The following SOX6 variants were observed in gnomAD, a reference collection of about 807,000 sequenced individuals.
SOX6 encodes the protein SRY-box transcription factor 6.
A neutral mutation model predicts 97.8 loss-of-function variants in SOX6; 11 were observed. The ratio of observed to expected loss-of-function variants is 0.11; its 90% CI spans 0.07 to 0.19. The LOEUF is 0.19. SOX6 is among the 10% of genes least tolerant of loss of function. The probability of loss-of-function intolerance (pLI) is 1.00; values close to 1 mark genes in which losing one functional copy is unlikely to be tolerated. For missense variants in SOX6, 810 were observed against 1,039.5 expected (o/e 0.78, Z 3.04); for synonymous variants, 360 against 371.4 (o/e 0.97, Z 0.35).
At chr11:16,545,491 A>G (rs947380618) in intron 4 of SOX6, among the ~76,000 whole-genome samples, 13 of 152,206 alleles carry the variant, frequency 8.5e-5, no homozygotes, top group African/African-American at 2.9e-4. Context: ...TGGCGAAGCC[A>G]CAGATAACAT....
Position 16,428,719 on chromosome 11 carries a change from G to A in SOX6, c.-5+47596C>T, listed in dbSNP as rs183032889. On this transcript the variant is annotated intron_variant, in intron 1 of 15. Transcript: ENST00000396356. ...TTGGTACCAGTACCATGCTGTTTTG[G>A]TTACTGTAGCCTTGTAGTATAGTTT... 5.3e-4 allele frequency among the ~76,000 whole-genome samples: 80 copies of A among 152,230 alleles called. No individual in the cohort carries two copies. In the Middle Eastern group the frequency reaches 0.024, roughly 45 times the overall value.
chr11:16,690,619 A>G (rs77337791), intron 3 of SOX6, among the ~76,000 whole-genome samples: 2,420 of 152,310 alleles, frequency 0.016, 62 homozygotes, highest in African/African-American at 0.054. Flanking sequence ...TTTTTTAAAA[A>G]TCTCATTACA....
intron 9 of SOX6, among the ~76,000 whole-genome samples, chr11:16,060,117 T>TG (rs1261375342): frequency 5.3e-5 from 8 of 151,968 alleles, no homozygotes; most frequent in African/African-American, 1.7e-4. Flanking sequence ...TTGGGAAACT[T>TG]GAACTAGTGA....
At chr11:16,440,370 AT>A (rs1347661612) in intron 1 of SOX6, among the ~76,000 whole-genome samples, 1 of 152,222 alleles carries the variant, frequency 6.6e-6, no homozygotes, top group Non-Finnish European at 1.5e-5. Flanking sequence ...ATTATATTAA[AT>A]TTAATTTCTA....
chr11:16,184,896 G>A (rs1851430738), intron 5 of SOX6, among the ~76,000 whole-genome samples: 1 of 100,674 alleles, frequency 9.9e-6, no homozygotes, highest in African/African-American at 4.4e-5. Flanking sequence ...CAGCCAGAGA[G>A]CACTCAGGAC....
intron 3 of SOX6, among the ~76,000 whole-genome samples, chr11:16,687,262 C>T (rs1361317309): frequency 6.6e-6 from 1 of 152,146 alleles, no homozygotes; most frequent in Non-Finnish European, 1.5e-5. Context: ...GGAGATTTTA[C>T]TCATGGCAGA....
intron 3 of SOX6, among the ~76,000 whole-genome samples, chr11:16,638,763 G>A (rs1441243480): frequency 6.6e-6 from 1 of 152,158 alleles, no homozygotes; most frequent in Non-Finnish European, 1.5e-5. Flanking sequence ...TGTTGATGAG[G>A]TTGTTTGTTT....
chr11:16,292,380 T>C (rs542977681), intron 3 of SOX6, among the ~76,000 whole-genome samples: 3 of 152,208 alleles, frequency 2.0e-5, no homozygotes, highest in African/African-American at 4.8e-5. Flanking sequence ...TTGGAAGGCT[T>C]ATCTACAACA....
chr11:16,067,656 CTA>C (rs1292999657), intron 9 of SOX6, among the ~76,000 whole-genome samples: 1 of 151,988 alleles, frequency 6.6e-6, no homozygotes, highest in African/African-American at 2.4e-5. Flanking sequence ...TTAAAAATAA[CTA>C]AAATAGTGTA....
intron 1 of SOX6, among the ~76,000 whole-genome samples, chr11:16,414,645 G>C (rs745434385): frequency 9.9e-5 from 15 of 152,080 alleles, no homozygotes; most frequent in Non-Finnish European, 1.6e-4. Context: ...AAGATAAATT[G>C]TGACAAGAAC....
At chr11:16,535,068 C>G (rs552524817) in intron 4 of SOX6, among the ~76,000 whole-genome samples, 1 of 152,060 alleles carries the variant, frequency 6.6e-6, no homozygotes, top group Non-Finnish European at 1.5e-5. Context: ...GGAATTTGAC[C>G]TGCATATTGA....
chr11:16,578,032 A>G (rs556874623), intron 4 of SOX6, among the ~76,000 whole-genome samples: 1 of 152,250 alleles, frequency 6.6e-6, no homozygotes, highest in Non-Finnish European at 1.5e-5. Context: ...GTTTTCTTCC[A>G]TAAGTTTTAT....
At chr11:16,715,462 TAA>T (rs990272353) in intron 2 of SOX6, among the ~76,000 whole-genome samples, 7 of 152,198 alleles carry the variant, frequency 4.6e-5, no homozygotes, top group African/African-American at 1.7e-4. Context: ...TTTTTATAGT[TAA>T]GTTAGTTTTT....
intron 7 of SOX6, among the ~76,000 whole-genome samples, chr11:16,099,170 A>G (rs1305300345): frequency 6.6e-6 from 1 of 151,758 alleles, no homozygotes; most frequent in Non-Finnish European, 1.5e-5. Flanking sequence ...CCTATGGAGT[A>G]ATGTTCAAAA....
chr11:16,244,732 A>C, intron 3 of SOX6, among the ~76,000 whole-genome samples: 1 of 151,362 alleles, frequency 6.6e-6, no homozygotes, highest in East Asian at 1.9e-4. Context: ...TTGAAAATCA[A>C]ATGACTGTGT....
chr11:16,513,283 T>C (rs1407022808), intron 4 of SOX6, among the ~76,000 whole-genome samples: 1 of 152,056 alleles, frequency 6.6e-6, no homozygotes, highest in African/African-American at 2.4e-5. Flanking sequence ...AACAAAATTA[T>C]AGGACTTTAA....
chr11:16,425,319 T>C (rs1315125133), intron 1 of SOX6, among the ~76,000 whole-genome samples: 1 of 152,212 alleles, frequency 6.6e-6, no homozygotes, highest in East Asian at 1.9e-4. Context: ...CTCTCATTTA[T>C]TCATTCAGCA....
At chr11:16,278,347 A>T (rs1258275881) in intron 3 of SOX6, among the ~76,000 whole-genome samples, 3 of 152,180 alleles carry the variant, frequency 2.0e-5, no homozygotes, top group Non-Finnish European at 4.4e-5. Flanking sequence ...TAACCCAACA[A>T]GGCATAATTG....
intron 1 of SOX6, among the ~76,000 whole-genome samples, chr11:16,352,833 G>A (rs1375293052): frequency 6.6e-6 from 1 of 151,970 alleles, no homozygotes; most frequent in Non-Finnish European, 1.5e-5. Flanking sequence ...CTTTAAAAAA[G>A]AGAGAGAAAC....
Sources: gnomAD v4.1 joint callset for allele counts (sites outside exome capture counted in the v4.1 genomes callset) on GRCh38, gnomAD v4.1.1 for gene constraint, MANE v1.5 for transcripts, NCBI Gene and HGNC (gene_info 2026-07-23, HGNC 2026-07-21) for gene names.